LIFR: variants seen among roughly 807,000 people sequenced by gnomAD.
LIFR encodes the protein LIF receptor subunit alpha.
LIFR carries 84 observed loss-of-function variants against 122.2 expected under a neutral mutation model. That is an observed-to-expected ratio of 0.69 (90% CI 0.58 to 0.82). The LOEUF (loss-of-function observed/expected upper bound fraction) is 0.82. Ranked by LOEUF, LIFR falls within the 40% of genes least tolerant of loss-of-function variation. The pLI is 0.00. For synonymous variants in LIFR, 422 were observed against 434.7 expected, an observed-to-expected ratio of 0.97 and a Z score of 0.36; for missense variants, 1,294 against 1,311.6, an observed-to-expected ratio of 0.99 and a Z score of 0.21.
intron 1 of LIFR, among the ~76,000 whole-genome samples, chr5:38,545,227 G>A (rs1326126209): frequency 1.3e-5 from 2 of 151,202 alleles, no homozygotes; most frequent in African/African-American, 4.9e-5. Context: ...CCAAGATCAC[G>A]CCATTGCACT....
Position 38,533,312 on chromosome 5 carries a change from G to C in LIFR, c.-19-2646C>G, listed in dbSNP as rs754495397. ...AAAAGTAATCATGCAGAATAAATCT[G>C]TAAGACTGTTGAATGGAAAGAAAAA... On this transcript the variant is annotated intron_variant, in intron 1 of 19. Coordinates refer to ENST00000453190, the MANE Select transcript of LIFR (RefSeq NM_001127671.2). 2.6e-5 allele frequency among the ~76,000 whole-genome samples: 4 copies of C among 152,300 alleles called. No homozygotes were observed. In the South Asian group the frequency reaches 8.3e-4, roughly 32 times the overall value.
rs1320127764 is a variant in LIFR, at chr5:38,478,266, T to C, written c.*3329A>G. The C allele has an allele frequency of 4.8e-6, 1 of 207,094 alleles. No homozygotes were observed. The highest frequency in any genetic ancestry group is 9.8e-6 in the Non-Finnish European group (1 of 101,642). 12.8% of individuals were successfully genotyped at this position (207,094 alleles called of 1,614,324 possible). On this transcript the variant is annotated 3_prime_UTR_variant, in exon 20 of 20. Transcript: ENST00000453190. ...GACTTTTTACCACAGTTTCTGAGAG[T>C]GTAATAGTACTAAATGTTCTAAATG...
At chr5:38,598,150 A>G (rs1750143792), upstream of LIFR, among the ~76,000 whole-genome samples, 2 of 147,282 alleles carry the variant, frequency 1.4e-5, no homozygotes, top group South Asian at 2.2e-4. Context: ...CTCCATGGCT[A>G]TGACTGGTTT....
At chr5:38,482,750 G>C in intron 18 of LIFR, 83 bp from the exon 19 acceptor site, 1 of 613,080 alleles carries the variant, frequency 1.6e-6, no homozygotes, top group Non-Finnish European at 2.8e-6. Flanking sequence ...GGCTTATTTT[G>C]AAGTATTTAT....
At chr5:38,549,845 T>C (rs1021861617) in intron 1 of LIFR, among the ~76,000 whole-genome samples, 12 of 152,148 alleles carry the variant, frequency 7.9e-5, no homozygotes, top group African/African-American at 2.9e-4. Flanking sequence ...GGAGGGTTTT[T>C]TTAAATGTAT....
At chr5:38,483,581 C>T (rs1744114472) in intron 18 of LIFR, among the ~76,000 whole-genome samples, 1 of 152,054 alleles carries the variant, frequency 6.6e-6, no homozygotes, top group Non-Finnish European at 1.5e-5. Flanking sequence ...AGGCACGTGC[C>T]ACTATGCTCA....
intron 7 of LIFR, 128 bp from the exon 8 acceptor site, chr5:38,506,760 T>G (rs114050842): frequency 1.3e-6 from 1 of 775,574 alleles, no homozygotes; most frequent in African/African-American, 1.7e-5. Flanking sequence ...CATTTTACTT[T>G]TGAATAATGC....
intron 1 of LIFR, among the ~76,000 whole-genome samples, chr5:38,539,293 G>A (rs1224619149): frequency 6.6e-6 from 1 of 152,150 alleles, no homozygotes; most frequent in Non-Finnish European, 1.5e-5. Flanking sequence ...ACCAGACACA[G>A]TGCTCTGTTT....
rs761943146 is a variant in LIFR, at chr5:38,505,917, T to A, written c.1279A>T (p.Ile427Leu). ...ATGTACAGCTTACCTTTTTCAGTTA[T>A]ATTAACTAAAATTGTTGATTGTGAT... ...GRSQSTILVNITEKVYPHTPT... is the reference protein window; with the variant it reads ...GRSQSTILVNLTEKVYPHTPT... Residue 427 changes from isoleucine (I) to leucine (L), a missense_variant, in exon 9 of 20, where the codon ATA (isoleucine) becomes TTA (leucine). Coordinates refer to ENST00000453190, the MANE Select transcript of LIFR (RefSeq NM_001127671.2). The A allele has an allele frequency of 1.2e-6, 2 of 1,604,656 alleles. No individual in the cohort carries two copies. The highest frequency in any genetic ancestry group is 3.4e-5 in the Admixed American group (2 of 59,658).
At chr5:38,529,213 G>A (rs1013863281) in intron 2 of LIFR, among the ~76,000 whole-genome samples, 3 of 152,006 alleles carry the variant, frequency 2.0e-5, no homozygotes, top group Non-Finnish European at 4.4e-5. Flanking sequence ...GGGACCAAGA[G>A]AGGGCTTGAG....
At chr5:38,544,440 G>A (rs1378161610) in intron 1 of LIFR, among the ~76,000 whole-genome samples, 1 of 152,014 alleles carries the variant, frequency 6.6e-6, no homozygotes, top group Non-Finnish European at 1.5e-5. Context: ...GATCCACCAA[G>A]GGCCCTGGCA....
intron 5 of LIFR, among the ~76,000 whole-genome samples, chr5:38,512,261 G>C (rs535157635): frequency 6.6e-6 from 1 of 152,222 alleles, no homozygotes; most frequent in South Asian, 2.1e-4. Flanking sequence ...CCACAAGTGT[G>C]TTGGATTTTG....
chr5:38,560,863 T>A (rs1434044522), upstream of LIFR, among the ~76,000 whole-genome samples: 1 of 152,126 alleles, frequency 6.6e-6, no homozygotes, highest in East Asian at 1.9e-4. Context: ...CCCAAAGTGT[T>A]GGGATTACAT....
Position 38,603,198 on chromosome 5 carries a change from C to A in LIFR, n.305+3007G>T, listed in dbSNP as rs909008907. Among the ~76,000 whole-genome samples, 3 of 152,254 alleles carry A rather than the reference C, an allele frequency of 2.0e-5. No individual in the cohort carries two copies. In the South Asian group the frequency reaches 6.2e-4, roughly 32 times the overall value. ...TTCCACGTGTTCTTTCCTTTCTTTC[C>A]TCTTCTAAAGCATTTTTAATAAACT... On this transcript the variant is annotated intron_variant and non_coding_transcript_variant, in intron 2 of 3. Coordinates refer to the LIFR transcript ENST00000507786.
chr5:38,564,698 GTATATATATACACACAA>G (rs1404332669), intron 1 of LIFR, among the ~76,000 whole-genome samples: 6 of 142,116 alleles, frequency 4.2e-5, no homozygotes, highest in Admixed American at 2.8e-4. Flanking sequence ...ATATGCATAT[GTATATATATACACACAA>G]TATATATATA....
intron 5 of LIFR, among the ~76,000 whole-genome samples, chr5:38,520,227 T>C (rs958642990): frequency 6.6e-6 from 1 of 152,180 alleles, no homozygotes; most frequent in Non-Finnish European, 1.5e-5. Context: ...GTAGTGATAT[T>C]GAGCATTTTT....
chr5:38,531,813 C>T (rs1747027172), intron 1 of LIFR, among the ~76,000 whole-genome samples: 2 of 152,138 alleles, frequency 1.3e-5, no homozygotes, highest in Admixed American at 1.3e-4. Context: ...ATGGCAAGAT[C>T]TCTTCTCGGC....
chr5:38,499,720 C>G, intron 11 of LIFR, 137 bp from the exon 12 acceptor site: 1 of 704,644 alleles, frequency 1.4e-6, no homozygotes, highest in Non-Finnish European at 2.5e-6. Flanking sequence ...GAAAATGAAG[C>G]AATGGAAAAT....
intron 1 of LIFR, among the ~76,000 whole-genome samples, chr5:38,581,080 G>A (rs1268887144): frequency 6.6e-6 from 1 of 152,146 alleles, no homozygotes; most frequent in African/African-American, 2.4e-5. Flanking sequence ...GGGGGTGGTT[G>A]TATTACTTTG....
Sources: gnomAD v4.1 joint callset for allele counts (sites outside exome capture counted in the v4.1 genomes callset) on GRCh38, gnomAD v4.1.1 for gene constraint, MANE v1.5 for transcripts, NCBI Gene and HGNC (gene_info 2026-07-23, HGNC 2026-07-21) for gene names.